Variants in ESRRG observed in about 807,000 individuals in gnomAD.
The protein encoded by ESRRG is estrogen related receptor gamma, also known as estrogen-related receptor gamma.
In ESRRG, 13 loss-of-function variants were observed where a neutral mutation model predicts 44.0. That is an observed-to-expected ratio of 0.30 (90% confidence interval 0.19 to 0.47). ESRRG has a LOEUF of 0.47. Among genes scored for constraint, ESRRG ranks in the 20% least tolerant of loss-of-function variants. The pLI, the probability that ESRRG is intolerant of heterozygous loss-of-function variation, is 1.00. For synonymous variants in ESRRG, 215 were observed against 214.6 expected (o/e 1.00, Z -0.02); for missense variants, 395 against 580.6 (o/e 0.68, Z 3.29).
chr1:216,846,927 G>T (rs959437492), intron 2 of ESRRG, among the ~76,000 whole-genome samples: 1 of 151,982 alleles, frequency 6.6e-6, no homozygotes, highest in Non-Finnish European at 1.5e-5. Flanking sequence ...CAGAAAGCAA[G>T]TTTCCAGGAG....
At chr1:217,062,509 C>T (rs1580273213) in intron 1 of ESRRG, among the ~76,000 whole-genome samples, 1 of 152,136 alleles carries the variant, frequency 6.6e-6, no homozygotes, top group Non-Finnish European at 1.5e-5. Context: ...GAAAAGTCAA[C>T]AGAATCAGCT....
At chr1:216,961,093 A>G (rs1398632221) in intron 1 of ESRRG, among the ~76,000 whole-genome samples, 1 of 152,212 alleles carries the variant, frequency 6.6e-6, no homozygotes, top group Non-Finnish European at 1.5e-5. Flanking sequence ...AATGGGACCA[A>G]ATAGAGAGTT....
In ESRRG at chr1:216,849,608, C is replaced by G. The variant is rs144859202; in HGVS notation, c.-14+89974G>C. Among the ~76,000 whole-genome samples, 121 of 152,100 alleles carry G rather than the reference C, an allele frequency of 8.0e-4. No individual in the cohort carries two copies. In the Middle Eastern group the frequency reaches 0.01, roughly 13 times the overall value. ...TACCAAGAGATCAAAAGGATTCGTC[C>G]TACTTCATTTCAGCATTGGCTACTG... On this transcript the variant is annotated intron_variant, in intron 2 of 7. Transcript: ENST00000359162.
rs1372598985 is a variant in ESRRG at position 216,573,314 on chromosome 1, T to C, written c.590-5216A>G. Among the ~76,000 whole-genome samples, 3 of 152,012 alleles carry C rather than the reference T, an allele frequency of 2.0e-5. No homozygotes were observed. In the East Asian group the frequency reaches 5.8e-4, roughly 29 times the overall value. The stretch of plus-strand genomic sequence containing the variant: ...TTTGCTAGTCAGAATGGTTCAATTC[T>C]TTGTCTGGCTCTTTCCATAACTATT... On this transcript the variant is annotated intron_variant, in intron 3 of 6. Transcript: ENST00000408911.
intron 2 of ESRRG, among the ~76,000 whole-genome samples, chr1:216,827,792 T>C (rs539610798): frequency 1.3e-5 from 2 of 152,202 alleles, no homozygotes; most frequent in East Asian, 1.9e-4. Context: ...AATAGAACCA[T>C]GTAAATAACC....
intron 1 of ESRRG, among the ~76,000 whole-genome samples, chr1:217,073,788 A>G (rs2090907270): frequency 6.6e-6 from 1 of 152,276 alleles, no homozygotes; most frequent in African/African-American, 2.4e-5. Flanking sequence ...AAAGAGAAGT[A>G]AAGAAAAGAG....
At chr1:216,604,579 C>A (rs766914735) in intron 3 of ESRRG, among the ~76,000 whole-genome samples, 12 of 152,146 alleles carry the variant, frequency 7.9e-5, no homozygotes, top group Non-Finnish European at 1.3e-4. Flanking sequence ...GAGACAATAG[C>A]TTAATAAGGG....
chr1:217,111,228 G>C (rs568482151), intron 1 of ESRRG, among the ~76,000 whole-genome samples: 2 of 152,168 alleles, frequency 1.3e-5, no homozygotes, highest in African/African-American at 4.8e-5. Flanking sequence ...CATAACTTTG[G>C]AGCCAGTAAG....
chr1:216,652,007 C>T (rs935901073), intron 2 of ESRRG, among the ~76,000 whole-genome samples: 7 of 152,092 alleles, frequency 4.6e-5, no homozygotes, highest in African/African-American at 1.7e-4. Flanking sequence ...TCTCCCCAAT[C>T]AGCTCTGTCA....
At chr1:216,846,020 G>A (rs755523911) in intron 2 of ESRRG, among the ~76,000 whole-genome samples, 3 of 152,042 alleles carry the variant, frequency 2.0e-5, no homozygotes, top group South Asian at 2.1e-4. Flanking sequence ...CCACTTAACC[G>A]TATTCATTCC....
At chr1:216,527,639 G>A (rs12089635) in intron 5 of ESRRG, among the ~76,000 whole-genome samples, 46,932 of 151,806 alleles carry the variant, frequency 0.31, 7,663 homozygotes, top group Non-Finnish European at 0.36. Flanking sequence ...CCTAAGCACC[G>A]CCATCCACCT....
intron 2 of ESRRG, among the ~76,000 whole-genome samples, chr1:216,931,850 A>AC (rs2063395460): frequency 6.8e-6 from 1 of 146,986 alleles, no homozygotes; most frequent in East Asian, 2.0e-4. Flanking sequence ...AAAAAAAAAA[A>AC]CACAAAATAA....
intron 3 of ESRRG, among the ~76,000 whole-genome samples, chr1:216,633,813 G>A (rs751564580): frequency 3.3e-5 from 5 of 152,158 alleles, no homozygotes; most frequent in South Asian, 2.1e-4. Flanking sequence ...GAAAGCATTT[G>A]AATATTTCAG....
intron 1 of ESRRG, among the ~76,000 whole-genome samples, chr1:216,943,371 C>G (rs940444827): frequency 6.6e-6 from 1 of 152,162 alleles, no homozygotes; most frequent in Non-Finnish European, 1.5e-5. Context: ...GTTGCAGGAA[C>G]CTTCTTAGAA....
At chr1:216,601,055 C>G (rs1403471411) in intron 3 of ESRRG, among the ~76,000 whole-genome samples, 1 of 152,182 alleles carries the variant, frequency 6.6e-6, no homozygotes, top group African/African-American at 2.4e-5. Flanking sequence ...CTGAGGCCCT[C>G]GCGGAGGCCT....
chr1:216,724,673 C>CA (rs1381085846), upstream of ESRRG, among the ~76,000 whole-genome samples: 4 of 151,850 alleles, frequency 2.6e-5, no homozygotes, highest in South Asian at 2.1e-4. Context: ...CAAAAGTGTT[C>CA]AAAAAAATAA....
At chr1:216,611,945 G>A (rs1211294416) in intron 3 of ESRRG, among the ~76,000 whole-genome samples, 1 of 152,172 alleles carries the variant, frequency 6.6e-6, no homozygotes, top group African/African-American at 2.4e-5. Context: ...GCTATGAGCA[G>A]GCAAGTGGCT....
At chr1:216,625,397 A>C (rs2063001659) in intron 3 of ESRRG, among the ~76,000 whole-genome samples, 1 of 138,826 alleles carries the variant, frequency 7.2e-6, no homozygotes, top group Non-Finnish European at 1.5e-5. Context: ...TTTACTTATG[A>C]AAACTCTTTA....
intron 1 of ESRRG, among the ~76,000 whole-genome samples, chr1:216,702,833 G>A (rs558311223): frequency 6.6e-6 from 1 of 150,940 alleles, no homozygotes; most frequent in Non-Finnish European, 1.5e-5. Flanking sequence ...ACATGAGTTG[G>A]TGAAATCATG....
Sources: allele counts gnomAD v4.1 joint callset (sites outside exome capture counted in the v4.1 genomes callset), GRCh38; gene constraint gnomAD v4.1.1; transcripts MANE v1.5; gene names NCBI Gene and HGNC (gene_info 2026-07-23, HGNC 2026-07-21).